The following GRM7 variants were observed in gnomAD, a reference collection of about 807,000 sequenced individuals.
The protein encoded by GRM7 is glutamate metabotropic receptor 7, also known as metabotropic glutamate receptor 7.
In GRM7, 35 loss-of-function variants were observed where a neutral mutation model predicts 84.5. The ratio of observed to expected loss-of-function variants is 0.41; its 90% CI spans 0.32 to 0.55. GRM7 has a LOEUF of 0.55. Among genes scored for constraint, GRM7 ranks in the 20% least tolerant of loss-of-function variants. The pLI is 0.19. For synonymous variants in GRM7, 487 were observed against 455.1 expected, an observed-to-expected ratio of 1.07 and a Z score of -0.89; for missense variants, 1,003 against 1,194.6, an observed-to-expected ratio of 0.84 and a Z score of 2.36.
At chr3:7,059,039 G>A (rs748769784) in intron 1 of GRM7, among the ~76,000 whole-genome samples, 6 of 151,686 alleles carry the variant, frequency 4.0e-5, no homozygotes, top group Admixed American at 3.3e-4. Flanking sequence ...CCTTATTAAC[G>A]CTAGCAGATA....
At chr3:7,448,306 A>G (rs9865843) in intron 5 of GRM7, among the ~76,000 whole-genome samples, 54,709 of 151,696 alleles carry the variant, frequency 0.36, 11,148 homozygotes, top group Non-Finnish European at 0.48. Context: ...CTAGTTCTAG[A>G]TCCCTGAGGA....
At chr3:7,331,765 C>T (rs996845057) in intron 4 of GRM7, among the ~76,000 whole-genome samples, 26 of 152,144 alleles carry the variant, frequency 1.7e-4, no homozygotes, top group African/African-American at 5.8e-4. Context: ...TCTGCGGAGC[C>T]TCAATTTCCC....
intron 8 of GRM7, among the ~76,000 whole-genome samples, chr3:7,581,803 A>G (rs1695267661): frequency 6.6e-6 from 1 of 152,184 alleles, no homozygotes. Context: ...ATATCTGTAA[A>G]AATTTCTGTC....
chr3:7,063,129 G>T (rs2124972106), intron 1 of GRM7, among the ~76,000 whole-genome samples: 1 of 151,694 alleles, frequency 6.6e-6, no homozygotes, highest in Admixed American at 6.6e-5. Context: ...GCCCACTGTT[G>T]CCTAATGTTA....
At chr3:7,725,832 C>A (rs1702105722) in intron 9 of GRM7, among the ~76,000 whole-genome samples, 1 of 152,062 alleles carries the variant, frequency 6.6e-6, no homozygotes, top group Middle Eastern at 3.2e-3. Flanking sequence ...TAGGACATGA[C>A]ATCATGATTT....
intron 7 of GRM7, among the ~76,000 whole-genome samples, chr3:7,510,123 T>C (rs915445755): frequency 6.6e-6 from 1 of 152,194 alleles, no homozygotes; most frequent in Non-Finnish European, 1.5e-5. Flanking sequence ...ACCCCCACTT[T>C]GATAGTCCCT....
chr3:7,202,341 T>C (rs1249885257), intron 2 of GRM7, among the ~76,000 whole-genome samples: 1 of 152,190 alleles, frequency 6.6e-6, no homozygotes, highest in Non-Finnish European at 1.5e-5. Context: ...TGTTTGTTTG[T>C]TTGTTTTGAG....
At chr3:7,223,624 A>C (rs1696883780) in intron 2 of GRM7, among the ~76,000 whole-genome samples, 1 of 152,010 alleles carries the variant, frequency 6.6e-6, no homozygotes. Flanking sequence ...CTATATACTC[A>C]TCTGTACATG....
chr3:7,224,270 A>T (rs576320402), intron 2 of GRM7, among the ~76,000 whole-genome samples: 1 of 152,324 alleles, frequency 6.6e-6, no homozygotes, highest in African/African-American at 2.4e-5. Context: ...CCAGAGTCAG[A>T]AAAGGAGAGA....
At chr3:6,952,640 G>A (rs919023192) in intron 1 of GRM7, among the ~76,000 whole-genome samples, 1 of 152,114 alleles carries the variant, frequency 6.6e-6, no homozygotes, top group East Asian at 1.9e-4. Flanking sequence ...CCATCTCTCA[G>A]GGGAAAACTG....
intron 5 of GRM7, among the ~76,000 whole-genome samples, chr3:7,431,311 C>T (rs1043738206): frequency 6.6e-6 from 1 of 151,966 alleles, no homozygotes; most frequent in African/African-American, 2.4e-5. Context: ...ATCCAGACCC[C>T]CAACCTACAT....
At chr3:7,092,019 A>AT (rs1698682682) in intron 1 of GRM7, among the ~76,000 whole-genome samples, 1 of 151,736 alleles carries the variant, frequency 6.6e-6, no homozygotes, top group Admixed American at 6.6e-5. Flanking sequence ...TATTTATTTT[A>AT]ATATTTTGAG....
intron 9 of GRM7, among the ~76,000 whole-genome samples, chr3:7,708,392 C>T (rs1701467859): frequency 1.3e-5 from 2 of 151,720 alleles, no homozygotes; most frequent in Admixed American, 1.3e-4. Flanking sequence ...GCCGGTTGCA[C>T]AGAAAGCACA....
At chr3:7,203,430 G>A (rs111495942) in intron 2 of GRM7, among the ~76,000 whole-genome samples, 48 of 152,104 alleles carry the variant, frequency 3.2e-4, no homozygotes, top group African/African-American at 9.6e-4. Flanking sequence ...TATCGTGTAC[G>A]TGTGTTTGTG....
At chr3:7,724,534 C>G (rs142643123) in intron 9 of GRM7, among the ~76,000 whole-genome samples, 89 of 152,340 alleles carry the variant, frequency 5.8e-4, no homozygotes, top group Non-Finnish European at 9.7e-4. Flanking sequence ...CTAGGAGGAT[C>G]AGAGGCTGTT....
At chr3:7,056,079 C>T (rs912305822) in intron 1 of GRM7, among the ~76,000 whole-genome samples, 1 of 151,910 alleles carries the variant, frequency 6.6e-6, no homozygotes, top group Non-Finnish European at 1.5e-5. Flanking sequence ...ATAACACAGG[C>T]AGTAATAAGA....
chr3:7,030,292 G>A lies in GRM7; in HGVS notation c.520-116160G>A, dbSNP rs143575192. On this transcript the variant is annotated intron_variant, in intron 1 of 9. Coordinates refer to ENST00000357716, the MANE Select transcript of GRM7 (RefSeq NM_000844.4). Reference sequence around the variant, plus strand: ...TCGATGGTGGCTTGTAGGTTTGTACGTGTGTGTCAGAAGGTTGCAGGAAAT... The same window carrying A: ...TCGATGGTGGCTTGTAGGTTTGTACATGTGTGTCAGAAGGTTGCAGGAAAT... Among the ~76,000 whole-genome samples the A allele has an allele frequency of 2.5e-3, 381 of 152,298 alleles. 3 individuals are homozygous for A. The highest frequency in any genetic ancestry group is 8.6e-3 in the African/African-American group (359 of 41,560).
At chr3:7,232,400 A>G (rs1437865984) in intron 2 of GRM7, among the ~76,000 whole-genome samples, 1 of 152,192 alleles carries the variant, frequency 6.6e-6, no homozygotes, top group Non-Finnish European at 1.5e-5. Context: ...GAAAGACCCT[A>G]AGCATTTATG....
intron 1 of GRM7, among the ~76,000 whole-genome samples, chr3:6,997,951 C>G (rs536219115): frequency 2.6e-5 from 4 of 151,590 alleles, no homozygotes; most frequent in African/African-American, 9.7e-5. Flanking sequence ...GAAACCCCAT[C>G]TCTACTAAAA....
Sources: gnomAD v4.1 joint callset for allele counts (sites outside exome capture counted in the v4.1 genomes callset) on GRCh38, gnomAD v4.1.1 for gene constraint, MANE v1.5 for transcripts, NCBI Gene and HGNC (gene_info 2026-07-23, HGNC 2026-07-21) for gene names.